The following EPAS1 variants were observed in gnomAD, a reference collection of about 807,000 sequenced individuals.
The protein encoded by EPAS1 is endothelial PAS domain-containing protein 1.
EPAS1 carries 23 observed loss-of-function variants against 87.9 expected under a neutral mutation model. That is an observed-to-expected ratio of 0.26 (90% confidence interval 0.19 to 0.37). The LOEUF (loss-of-function observed/expected upper bound fraction) is 0.37, where lower values mean the gene tolerates loss of function less well. EPAS1 is among the 10% of genes least tolerant of loss of function. The pLI is 1.00. For missense variants in EPAS1, 1,138 were observed against 1,120.7 expected (o/e 1.02, Z -0.22); for synonymous variants, 508 against 444.3 (o/e 1.14, Z -1.80).
chr2:46,352,915 T>A (rs988965709), intron 2 of EPAS1, among the ~76,000 whole-genome samples: 4 of 152,180 alleles, frequency 2.6e-5, no homozygotes, highest in Non-Finnish European at 5.9e-5. Context: ...TGGAAGCAAA[T>A]GCACTGGGCA....
At position 46,360,908 on chromosome 2, in the gene EPAS1, G is replaced by T. The variant is rs539411186; in HGVS notation, c.597G>T (p.Val199=). The T allele has an allele frequency of 1.2e-6, 2 of 1,614,192 alleles. No homozygotes were observed. Among genetic ancestry groups the T allele is most frequent in the East Asian group, 4.5e-5 (2 of 44,882 alleles). Residue 199 remains valine (V), a synonymous_variant, in exon 6 of 16, where the codon GTG becomes GTT. Transcript: ENST00000263734. This position sits in a 1 kb window ranked among gnomAD's most constrained non-coding sequence, Gnocchi z 4.5. ...TWKVLHCTGQ[V]KVYNNCPPHN... ...AGGTCTTGCACTGCACGGGCCAGGT[G>T]AAAGTCTACAACAACTGCCCTCCTC...
At chr2:46,378,908 G>GGT in intron 11 of EPAS1, 141 bp downstream of exon 11, 1 of 783,720 alleles carries the variant, frequency 1.3e-6, no homozygotes, top group East Asian at 2.7e-5. Context: ...CCCCTAAAGA[G>GGT]GTAGGGGTAC....
At chr2:46,325,755 G>C (rs1052918154) in intron 1 of EPAS1, among the ~76,000 whole-genome samples, 11 of 152,144 alleles carry the variant, frequency 7.2e-5, no homozygotes, top group Non-Finnish European at 1.3e-4. Flanking sequence ...CTGCTGCATG[G>C]ATAAAAAATT....
chr2:46,328,220 G>C (rs925922168), intron 1 of EPAS1, among the ~76,000 whole-genome samples: 15 of 152,174 alleles, frequency 9.9e-5, no homozygotes, highest in African/African-American at 2.9e-4. Context: ...AGGAAATTGG[G>C]GGCACCTCCT....
chr2:46,368,705 G>A (rs1159005722), intron 6 of EPAS1, among the ~76,000 whole-genome samples: 7 of 152,268 alleles, frequency 4.6e-5, no homozygotes, highest in African/African-American at 1.4e-4. Context: ...TTATAGGACT[G>A]TATCCAGGAG....
intron 6 of EPAS1, among the ~76,000 whole-genome samples, chr2:46,366,879 C>T (rs949200862): frequency 6.6e-6 from 1 of 152,254 alleles, no homozygotes. Flanking sequence ...GGTTCATTAA[C>T]CTCCCCACTG....
intron 1 of EPAS1, among the ~76,000 whole-genome samples, chr2:46,345,444 G>A (rs147928308): frequency 3.0e-3 from 457 of 152,234 alleles, no homozygotes; most frequent in African/African-American, 0.011. Context: ...AAGGAGACAG[G>A]ACAGTCATTG....
intron 7 of EPAS1, among the ~76,000 whole-genome samples, chr2:46,372,518 A>G (rs933581171): frequency 3.3e-5 from 5 of 152,256 alleles, no homozygotes; most frequent in African/African-American, 1.2e-4. Flanking sequence ...TGAAAGCTGT[A>G]ATTTCCAAAT....
intron 4 of EPAS1, 138 bp downstream of exon 4, chr2:46,356,946 G>A (rs1684282668): frequency 7.2e-6 from 5 of 697,796 alleles, no homozygotes; most frequent in Non-Finnish European, 1.3e-5. Context: ...ATTTAAGTAT[G>A]TAGCCTGTGA....
At chr2:46,332,919 C>T (rs942122976) in intron 1 of EPAS1, among the ~76,000 whole-genome samples, 101 of 152,214 alleles carry the variant, frequency 6.6e-4, no homozygotes, top group African/African-American at 2.2e-3. Context: ...AAGGATGGGA[C>T]GGGTCAGGAG....
chr2:46,330,522 A>G (rs1683654085), intron 1 of EPAS1, among the ~76,000 whole-genome samples: 1 of 152,352 alleles, frequency 6.6e-6, no homozygotes, highest in East Asian at 1.9e-4. Context: ...AGAATTGGCA[A>G]CTTAGCTGTG....
chr2:46,349,208 G>A (rs1684094817), intron 2 of EPAS1, among the ~76,000 whole-genome samples: 1 of 152,194 alleles, frequency 6.6e-6, no homozygotes, highest in African/African-American at 2.4e-5. Flanking sequence ...ATGGGGAGGA[G>A]GTCCTCACAC....
chr2:46,325,103 G>A (rs911160716), intron 1 of EPAS1, among the ~76,000 whole-genome samples: 4 of 152,250 alleles, frequency 2.6e-5, no homozygotes, highest in African/African-American at 9.6e-5. Context: ...ACAGGACCCT[G>A]GGAGGAATCC....
At chr2:46,383,624 A>G (rs1684949312) in intron 15 of EPAS1, among the ~76,000 whole-genome samples, 1 of 152,262 alleles carries the variant, frequency 6.6e-6, no homozygotes, top group South Asian at 2.1e-4. Flanking sequence ...AGAGGTAGCC[A>G]GCACTATTCT....
chr2:46,310,418 C>T (rs1683187726), intron 1 of EPAS1, among the ~76,000 whole-genome samples: 1 of 152,176 alleles, frequency 6.6e-6, no homozygotes, highest in African/African-American at 2.4e-5. Context: ...TCAGACCATC[C>T]CTTTGATCAA....
In EPAS1 at chr2:46,347,569, A is replaced by C. The variant is rs1684058300; in HGVS notation, c.217+506A>C. ...TTTCCTCGTGTATAAAATGGGGTTA[A>C]ACATACTTCTTGCCCAGGGTGTCGG... On this transcript the variant is annotated intron_variant, in intron 2 of 15. Coordinates refer to ENST00000263734, the MANE Select transcript of EPAS1 (RefSeq NM_001430.5). This position sits in a 1 kb window ranked among gnomAD's most constrained non-coding sequence, Gnocchi z 4.2. The C allele has an allele frequency of 4.8e-6, 1 of 207,372 alleles. No individual in the cohort carries two copies. The highest frequency in any genetic ancestry group is 2.3e-5 in the African/African-American group (1 of 43,492). The allele number at this position is 207,372 out of a possible 1,614,324, so 12.8% of individuals were successfully genotyped here.
At chr2:46,313,999 G>C (rs1683265947) in intron 1 of EPAS1, among the ~76,000 whole-genome samples, 1 of 152,100 alleles carries the variant, frequency 6.6e-6, no homozygotes, top group Non-Finnish European at 1.5e-5. Context: ...CAAAGCTCTT[G>C]ATGTAGATTG....
At chr2:46,324,166 A>C (rs953812382) in intron 1 of EPAS1, among the ~76,000 whole-genome samples, 1 of 152,178 alleles carries the variant, frequency 6.6e-6, no homozygotes, top group African/African-American at 2.4e-5. Flanking sequence ...TTCTGGGTTC[A>C]TGCCATTCTC....
intron 8 of EPAS1, among the ~76,000 whole-genome samples, chr2:46,376,150 G>T (rs1684743222): frequency 6.7e-6 from 1 of 148,226 alleles, no homozygotes; most frequent in Non-Finnish European, 1.5e-5. Context: ...AAAAAGGAAA[G>T]AGAATCGCTT....
Sources: allele counts gnomAD v4.1 joint callset (sites outside exome capture counted in the v4.1 genomes callset), GRCh38; gene constraint gnomAD v4.1.1; non-coding constraint Gnocchi (gnomAD v3.1); transcripts MANE v1.5; gene names NCBI Gene and HGNC (gene_info 2026-07-23, HGNC 2026-07-21).